The following ABI3BP variants were observed in gnomAD, a reference collection of about 807,000 sequenced individuals.
ABI3BP encodes the protein ABI family member 3 binding protein.
In ABI3BP, 216 loss-of-function variants were observed where a neutral mutation model predicts 268.6. The ratio of observed to expected loss-of-function variants is 0.80; its 90% CI spans 0.72 to 0.90. The LOEUF is 0.90. Among genes scored for constraint, ABI3BP ranks in the 40% least tolerant of loss-of-function variants. The probability of loss-of-function intolerance (pLI) is 0.00; values close to 1 mark genes in which losing one functional copy is unlikely to be tolerated. For synonymous variants in ABI3BP, 730 were observed against 730.0 expected, an observed-to-expected ratio of 1.00 and a Z score of 0.00; for missense variants, 2,090 against 2,182.4, an observed-to-expected ratio of 0.96 and a Z score of 0.84.
intron 3 of ABI3BP, among the ~76,000 whole-genome samples, chr3:100,899,114 T>C (rs1342476320): frequency 1.3e-5 from 2 of 152,242 alleles, no homozygotes; most frequent in Admixed American, 6.5e-5. Flanking sequence ...TGTGTGCATA[T>C]GCATATATGC....
intron 57 of ABI3BP, among the ~76,000 whole-genome samples, chr3:100,786,778 T>C (rs572928637): frequency 1.3e-4 from 20 of 152,280 alleles, no homozygotes; most frequent in African/African-American, 4.6e-4. Flanking sequence ...CAAATAGATA[T>C]TGAGATGCTT....
intron 1 of ABI3BP, among the ~76,000 whole-genome samples, chr3:100,962,932 G>A (rs73144912): frequency 0.18 from 26,855 of 152,000 alleles, 2,715 homozygotes; most frequent in South Asian, 0.27. Flanking sequence ...ACTCAGCACC[G>A]TTCACTAAGA....
chr3:100,894,088 A>T (rs534275937), intron 4 of ABI3BP, among the ~76,000 whole-genome samples: 21 of 152,126 alleles, frequency 1.4e-4, no homozygotes, highest in South Asian at 6.2e-4. Context: ...GCATGCTTGG[A>T]TTGGGAACAT....
At chr3:100,868,476 C>A (rs559272196) in intron 9 of ABI3BP, among the ~76,000 whole-genome samples, 5 of 152,294 alleles carry the variant, frequency 3.3e-5, no homozygotes, top group African/African-American at 1.2e-4. Flanking sequence ...CTGTAGTTCA[C>A]TTTATTTTTG....
intron 2 of ABI3BP, among the ~76,000 whole-genome samples, chr3:100,917,656 G>T (rs1224684863): frequency 1.3e-5 from 2 of 152,110 alleles, no homozygotes; most frequent in Non-Finnish European, 2.9e-5. Flanking sequence ...TATCGAGAAT[G>T]ACTTTTTAAA....
chr3:100,834,941 A>G (rs187510855), intron 28 of ABI3BP, among the ~76,000 whole-genome samples, 168 bp from the exon 29 acceptor site: 13 of 152,266 alleles, frequency 8.5e-5, no homozygotes, highest in Admixed American at 5.2e-4. Flanking sequence ...TTTTTGGTCT[A>G]CTGACAGGTC....
intron 9 of ABI3BP, among the ~76,000 whole-genome samples, chr3:100,874,199 G>A (rs1430298889): frequency 1.3e-5 from 2 of 152,154 alleles, no homozygotes; most frequent in African/African-American, 2.4e-5. Context: ...GGTGGTGGGG[G>A]GTGGTGGGCA....
At chr3:100,922,871 G>A (rs1431380126) in intron 2 of ABI3BP, among the ~76,000 whole-genome samples, 5 of 152,152 alleles carry the variant, frequency 3.3e-5, no homozygotes, top group Non-Finnish European at 5.9e-5. Context: ...ATGTATGGCT[G>A]CTTAATCAAT....
In ABI3BP at chr3:100,968,668, T is replaced by TA. The variant is rs1229402481; in HGVS notation, c.79+24637_79+24638insT. Among the ~76,000 whole-genome samples the TA allele has an allele frequency of 7.2e-5, 11 of 152,300 alleles. No individual in the cohort carries two copies. The South Asian group carries it at 1.9e-3, about 26-fold the overall frequency. ...TTACAACAAAATTTTATGTTGTTGA[T>TA]TTTTTAGTGTACTTTTTTTCATTTC... is the stretch of plus-strand genomic sequence containing the variant. On this transcript the variant is annotated intron_variant, in intron 1 of 67. Coordinates refer to ENST00000471714, the MANE Select transcript of ABI3BP (RefSeq NM_001375547.2).
At chr3:100,812,435 AT>A (rs762889736) in intron 46 of ABI3BP, 31 bp downstream of exon 46, 1 of 1,282,886 alleles carries the variant, frequency 7.8e-7, no homozygotes. Context: ...AAAAGCACAT[AT>A]GCTTGACTTC....
intron 4 of ABI3BP, among the ~76,000 whole-genome samples, chr3:100,890,747 ATAAC>A (rs2044220800): frequency 6.6e-6 from 1 of 152,180 alleles, no homozygotes; most frequent in South Asian, 2.1e-4. Flanking sequence ...TGTGAATTTC[ATAAC>A]TAACTTAAAA....
At chr3:100,862,251 C>T in intron 14 of ABI3BP, 60 bp downstream of exon 14, 1 of 1,145,878 alleles carries the variant, frequency 8.7e-7, no homozygotes, top group South Asian at 1.4e-5. Context: ...CCTATAAAAA[C>T]AATAAGTTAC....
At chr3:100,958,043 CAT>C (rs72172442) in intron 1 of ABI3BP, among the ~76,000 whole-genome samples, 24,000 of 152,118 alleles carry the variant, frequency 0.16, 1,999 homozygotes, top group Middle Eastern at 0.23. Context: ...TAAGGAAAAA[CAT>C]GTGTATCTTA....
rs60359060 is a variant in ABI3BP at position 100,775,898 on chromosome 3, T to A, written c.4334-563A>T. On this transcript the variant is annotated intron_variant, in intron 59 of 67. Coordinates refer to ENST00000471714, the MANE Select transcript of ABI3BP (RefSeq NM_001375547.2). ...TGTGTAGGCAAGAGAAAGGAAGGTGTACTACAGCAAAGGCAGTGGGACAGG... is the reference window on the plus strand; with the variant it reads ...TGTGTAGGCAAGAGAAAGGAAGGTGAACTACAGCAAAGGCAGTGGGACAGG... Among the ~76,000 whole-genome samples, 1,295 of 152,184 alleles carry A rather than the reference T, an allele frequency of 8.5e-3. 15 individuals carry two copies. Among genetic ancestry groups the A allele is most frequent in the African/African-American group, 0.019 (772 of 41,532 alleles).
At chr3:100,751,519 C>T (rs1187945550) in intron 67 of ABI3BP, 33 bp downstream of exon 67, 1 of 1,538,294 alleles carries the variant, frequency 6.5e-7, no homozygotes, top group Non-Finnish European at 8.8e-7. Flanking sequence ...ATCTGTAAAA[C>T]TCTGTTCTTA....
chr3:100,859,859 T>C (rs1468179229), intron 14 of ABI3BP, among the ~76,000 whole-genome samples: 1 of 152,098 alleles, frequency 6.6e-6, no homozygotes, highest in East Asian at 1.9e-4. Flanking sequence ...TGGTACCATG[T>C]AAAAACACTA....
chr3:100,884,499 A>C (rs149290525), intron 6 of ABI3BP, among the ~76,000 whole-genome samples: 1 of 152,228 alleles, frequency 6.6e-6, no homozygotes, highest in African/African-American at 2.4e-5. Flanking sequence ...TTTATCTAAG[A>C]CTATTTTCTG....
At chr3:100,751,850 T>C (rs1199620102) in intron 66 of ABI3BP, among the ~76,000 whole-genome samples, 176 bp from the exon 67 acceptor site, 1 of 152,234 alleles carries the variant, frequency 6.6e-6, no homozygotes, top group Non-Finnish European at 1.5e-5. Context: ...CAGGGATTAG[T>C]GATCTTTTAA....
intron 51 of ABI3BP, among the ~76,000 whole-genome samples, chr3:100,797,073 G>A (rs2152249228): frequency 6.6e-6 from 1 of 152,148 alleles, no homozygotes; most frequent in Admixed American, 6.6e-5. Flanking sequence ...AATGATAGCT[G>A]TTGCCATTTT....
Sources: gnomAD v4.1 joint callset for allele counts (sites outside exome capture counted in the v4.1 genomes callset) on GRCh38, gnomAD v4.1.1 for gene constraint, MANE v1.5 for transcripts, NCBI Gene and HGNC (gene_info 2026-07-23, HGNC 2026-07-21) for gene names.